The following CPQ variants were observed in gnomAD, a reference collection of about 807,000 sequenced individuals.
CPQ encodes carboxypeptidase Q.
Under a neutral mutation model 45.7 loss-of-function variants are expected in CPQ, and 37 were observed. That is an observed-to-expected ratio of 0.81 (90% CI 0.62 to 1.07). The LOEUF (loss-of-function observed/expected upper bound fraction) is 1.07. Among genes scored for constraint, CPQ ranks in the 50% least tolerant of loss-of-function variants. CPQ has a pLI of 0.00. For synonymous variants in CPQ, 186 were observed against 205.8 expected, an observed-to-expected ratio of 0.90 and a Z score of 0.82; for missense variants, 537 against 572.9, an observed-to-expected ratio of 0.94 and a Z score of 0.64.
intron 5 of CPQ, among the ~76,000 whole-genome samples, chr8:96,999,292 TA>T (rs773635406): frequency 5.9e-5 from 9 of 151,698 alleles, no homozygotes; most frequent in Non-Finnish European, 8.8e-5. Context: ...GTTACCTAAG[TA>T]AACCTCTGTC....
intron 3 of CPQ, among the ~76,000 whole-genome samples, chr8:96,860,424 A>G (rs1811911415): frequency 6.6e-6 from 1 of 152,110 alleles, no homozygotes; most frequent in South Asian, 2.1e-4. Context: ...CAATTTTCCC[A>G]TGTGCTTATA....
chr8:96,934,600 C>T (rs943734429), intron 4 of CPQ, among the ~76,000 whole-genome samples: 2 of 152,132 alleles, frequency 1.3e-5, no homozygotes, highest in African/African-American at 2.4e-5. Flanking sequence ...TTAGTCTGTG[C>T]GACCATTCAT....
chr8:96,845,814 T>A (rs1811679822), intron 3 of CPQ, among the ~76,000 whole-genome samples: 1 of 152,116 alleles, frequency 6.6e-6, no homozygotes, highest in Non-Finnish European at 1.5e-5. Context: ...ATTGCCTAAC[T>A]TTTTATTTTT....
chr8:97,117,712 A>T (rs1172221878), intron 7 of CPQ, among the ~76,000 whole-genome samples: 2 of 151,606 alleles, frequency 1.3e-5, no homozygotes, highest in African/African-American at 4.8e-5. Context: ...TTTTATTTTT[A>T]TTTTTTTGTA....
chr8:96,918,699 C>G (rs57511341), intron 4 of CPQ, among the ~76,000 whole-genome samples: 10,846 of 151,986 alleles, frequency 0.071, 713 homozygotes, highest in African/African-American at 0.18. Flanking sequence ...CCTCCTTGTT[C>G]TTAGATTGAT....
chr8:97,059,832 T>C (rs1276255187), intron 6 of CPQ, among the ~76,000 whole-genome samples: 4 of 152,192 alleles, frequency 2.6e-5, no homozygotes, highest in Non-Finnish European at 4.4e-5. Context: ...TATTTACATT[T>C]ACAGGGCAAG....
At chr8:97,139,359 A>T (rs1373759122) in intron 7 of CPQ, among the ~76,000 whole-genome samples, 2 of 152,194 alleles carry the variant, frequency 1.3e-5, no homozygotes, top group Admixed American at 6.5e-5. Flanking sequence ...TGGGTCAAAT[A>T]GACAATAAAT....
At chr8:96,714,728 A>C (rs928599444) in intron 1 of CPQ, among the ~76,000 whole-genome samples, 1 of 152,084 alleles carries the variant, frequency 6.6e-6, no homozygotes, top group Non-Finnish European at 1.5e-5. Context: ...TCGTATTTCC[A>C]GAATCATTTT....
chr8:97,090,772 G>T (rs932470242), intron 7 of CPQ, among the ~76,000 whole-genome samples: 1 of 152,146 alleles, frequency 6.6e-6, no homozygotes, highest in African/African-American at 2.4e-5. Context: ...GAGCTGAGTG[G>T]GGGACAGTTC....
chr8:96,824,503 T>C (rs899561379), intron 2 of CPQ, among the ~76,000 whole-genome samples: 17 of 152,070 alleles, frequency 1.1e-4, no homozygotes, highest in African/African-American at 4.1e-4. Flanking sequence ...TTTTTTTATT[T>C]AAATATTTGA....
chr8:96,853,665 T>G (rs1811803170), intron 3 of CPQ, among the ~76,000 whole-genome samples: 1 of 152,148 alleles, frequency 6.6e-6, no homozygotes, highest in Non-Finnish European at 1.5e-5. Context: ...AGGTTTGTTG[T>G]TGTTGATAAT....
intron 5 of CPQ, among the ~76,000 whole-genome samples, chr8:97,004,887 G>A (rs1189573927): frequency 2.0e-5 from 3 of 151,986 alleles, no homozygotes. Context: ...CTTGTTAATG[G>A]GGTTTGACTA....
intron 2 of CPQ, among the ~76,000 whole-genome samples, chr8:96,797,091 T>C (rs1212362840): frequency 1.3e-5 from 2 of 152,190 alleles, no homozygotes; most frequent in Non-Finnish European, 2.9e-5. Context: ...GATTAAGCAA[T>C]GGCCTTTGTC....
intron 1 of CPQ, among the ~76,000 whole-genome samples, chr8:96,729,206 C>T (rs1252127497): frequency 6.6e-6 from 1 of 152,186 alleles, no homozygotes; most frequent in Non-Finnish European, 1.5e-5. Context: ...TGGTGGAACT[C>T]TGTGACTGTG....
At chr8:96,735,284 C>T (rs1809967857) in intron 1 of CPQ, among the ~76,000 whole-genome samples, 1 of 152,184 alleles carries the variant, frequency 6.6e-6, no homozygotes, top group Non-Finnish European at 1.5e-5. Flanking sequence ...ATATATTAAG[C>T]CTTCAATAAC....
At position 97,043,860 on chromosome 8, in the gene CPQ, G is replaced by C. The variant is rs566102844; in HGVS notation, c.1053+14366G>C. ...GTTTCTGCCGAGAGATCCGCTGTTA[G>C]TCTTATGGGCTTCCCTTTGTGGGTA... On this transcript the variant is annotated intron_variant, in intron 6 of 7. Transcript: ENST00000220763. Among the ~76,000 whole-genome samples the C allele has an allele frequency of 2.1e-3, 326 of 152,304 alleles. 1 individual carries two copies. The highest frequency in any genetic ancestry group is 6.8e-3 in the Middle Eastern group (2 of 294).
chr8:97,120,483 A>G (rs1313404509), intron 7 of CPQ, among the ~76,000 whole-genome samples: 27 of 152,230 alleles, frequency 1.8e-4, no homozygotes, highest in Non-Finnish European at 4.4e-5. Flanking sequence ...GCTCTATAAA[A>G]TGATTCTTCA....
rs149244647 is a variant in CPQ, at chr8:96,892,691, C to T, written c.849+12686C>T. Among the ~76,000 whole-genome samples, 604 of 152,204 alleles carry T rather than the reference C, an allele frequency of 4.0e-3. 1 individual carries two copies. Among genetic ancestry groups the T allele is most frequent in the Non-Finnish European group, 5.5e-3 (377 of 68,026 alleles). ...ATTTTTCAAATTTCTGAAATGTGCT[C>T]ATAGCTGTGCATGCCTCTGGGCTCA... On this transcript the variant is annotated intron_variant, in intron 4 of 7. Transcript: ENST00000220763.
chr8:97,104,977 A>G (rs1010957161), intron 7 of CPQ, among the ~76,000 whole-genome samples: 13 of 152,202 alleles, frequency 8.5e-5, no homozygotes, highest in African/African-American at 3.1e-4. Flanking sequence ...CAAACTACCA[A>G]TTTCATCAAC....
Sources: allele counts gnomAD v4.1 joint callset (sites outside exome capture counted in the v4.1 genomes callset), GRCh38; gene constraint gnomAD v4.1.1; transcripts MANE v1.5; gene names NCBI Gene and HGNC (gene_info 2026-07-23, HGNC 2026-07-21).